The following PDE7B variants were observed in gnomAD, a reference collection of about 807,000 sequenced individuals.
PDE7B encodes the protein phosphodiesterase 7B.
In PDE7B, 29 loss-of-function variants were observed where a neutral mutation model predicts 56.2. The ratio of observed to expected loss-of-function variants is 0.52; its 90% CI spans 0.38 to 0.70. The LOEUF (loss-of-function observed/expected upper bound fraction) is 0.70, where lower values mean the gene tolerates loss of function less well. Ranked by LOEUF, PDE7B falls within the 30% of genes least tolerant of loss-of-function variation. The pLI is 0.00. For synonymous variants in PDE7B, 197 were observed against 196.9 expected, an observed-to-expected ratio of 1.00 and a Z score of 0.00; for missense variants, 490 against 565.0, an observed-to-expected ratio of 0.87 and a Z score of 1.35.
At chr6:136,172,253 AAC>A (rs1354903189) in intron 8 of PDE7B, among the ~76,000 whole-genome samples, 1 of 152,186 alleles carries the variant, frequency 6.6e-6, no homozygotes, top group East Asian at 1.9e-4. Context: ...CAGTCCCACC[AAC>A]AGTGTAAAAG....
intron 1 of PDE7B, among the ~76,000 whole-genome samples, chr6:135,920,909 C>T (rs1033324721): frequency 6.6e-6 from 1 of 152,108 alleles, no homozygotes; most frequent in Non-Finnish European, 1.5e-5. Flanking sequence ...GGATTTCAAC[C>T]GAACTTTATG....
chr6:135,955,778 T>C (rs1023963249), intron 2 of PDE7B, among the ~76,000 whole-genome samples: 3 of 151,988 alleles, frequency 2.0e-5, no homozygotes, highest in Non-Finnish European at 4.4e-5. Flanking sequence ...AGGTGCAAAA[T>C]ACAGGAAACT....
At chr6:136,056,856 G>GTTC (rs200292817) in intron 2 of PDE7B, among the ~76,000 whole-genome samples, 2,378 of 152,054 alleles carry the variant, frequency 0.016, 64 homozygotes, top group African/African-American at 0.053. Context: ...TATGTTTGTG[G>GTTC]TTCTGGTTTG....
At chr6:136,026,110 A>G (rs992436036) in intron 2 of PDE7B, among the ~76,000 whole-genome samples, 10 of 152,220 alleles carry the variant, frequency 6.6e-5, no homozygotes, top group African/African-American at 2.4e-4. Context: ...AATTTTGTTT[A>G]CATAACAAGG....
chr6:136,190,162 G>A (rs1161335272), intron 12 of PDE7B, among the ~76,000 whole-genome samples: 2 of 152,090 alleles, frequency 1.3e-5, no homozygotes, highest in African/African-American at 4.8e-5. Context: ...ATTAAATATG[G>A]AGATTGTGGA....
chr6:135,857,626 T>G (rs749524305), intron 1 of PDE7B, among the ~76,000 whole-genome samples: 4 of 152,168 alleles, frequency 2.6e-5, no homozygotes, highest in Non-Finnish European at 5.9e-5. Flanking sequence ...TAGCAAATCT[T>G]TGTCTAAGAA....
intron 2 of PDE7B, among the ~76,000 whole-genome samples, chr6:136,002,725 G>T (rs1257996550): frequency 1.3e-5 from 2 of 152,148 alleles, no homozygotes; most frequent in Non-Finnish European, 2.9e-5. Flanking sequence ...CCTACAAAGA[G>T]ACTTAGACTC....
chr6:136,047,931 C>A (rs933218582), intron 2 of PDE7B, among the ~76,000 whole-genome samples: 10 of 152,156 alleles, frequency 6.6e-5, no homozygotes, highest in African/African-American at 2.4e-4. Context: ...GGAAATAATA[C>A]TCTATGGGAA....
At chr6:135,858,538 AG>A (rs1398090459) in intron 1 of PDE7B, among the ~76,000 whole-genome samples, 1 of 152,130 alleles carries the variant, frequency 6.6e-6, no homozygotes, top group African/African-American at 2.4e-5. Context: ...TGACATGGCT[AG>A]GGAGCAGAGA....
chr6:136,136,433 G>A (rs981538908), intron 3 of PDE7B, among the ~76,000 whole-genome samples: 2 of 152,200 alleles, frequency 1.3e-5, no homozygotes, highest in East Asian at 1.9e-4. Context: ...AGTCAGATAT[G>A]TGAATAAGAG....
intron 2 of PDE7B, among the ~76,000 whole-genome samples, chr6:136,004,562 GACAA>G (rs1201549799): frequency 1.3e-5 from 2 of 151,728 alleles, no homozygotes; most frequent in Non-Finnish European, 2.9e-5. Flanking sequence ...ACCAATAACA[GACAA>G]ACAGAGAGCC....
chr6:135,876,174 G>A (rs548265443), intron 1 of PDE7B, among the ~76,000 whole-genome samples: 9 of 152,196 alleles, frequency 5.9e-5, no homozygotes, highest in Non-Finnish European at 8.8e-5. Context: ...AGTAGAAATG[G>A]CTGTGAGAAG....
chr6:135,987,058 T>C (rs905499699), intron 2 of PDE7B, among the ~76,000 whole-genome samples: 5 of 152,236 alleles, frequency 3.3e-5, no homozygotes, highest in Non-Finnish European at 5.9e-5. Context: ...AGACCTCATA[T>C]CTGTAAAGTA....
chr6:136,010,690 G>A (rs1157670814), intron 2 of PDE7B, among the ~76,000 whole-genome samples: 1 of 152,012 alleles, frequency 6.6e-6, no homozygotes, highest in East Asian at 1.9e-4. Flanking sequence ...GTGCAATGGC[G>A]TGATCTCAGC....
intron 2 of PDE7B, chr6:136,064,301 C>T (rs1324979836): frequency 6.6e-6 from 1 of 152,124 alleles, no homozygotes; most frequent in Non-Finnish European, 1.5e-5. Context: ...TCTCTGTGCA[C>T]AAGGAGCCAA....
chr6:136,092,275 G>GTT (rs796860164), intron 2 of PDE7B, among the ~76,000 whole-genome samples: 30 of 152,218 alleles, frequency 2.0e-4, no homozygotes, highest in African/African-American at 7.0e-4. Flanking sequence ...ATGTAATTGG[G>GTT]TTTGGACATG....
chr6:136,191,840 G>T lies in PDE7B; in HGVS notation c.1353G>T (p.Ter451TyrextTer33). 6.5e-7 allele frequency: 1 copy of T among 1,549,028 alleles called. No homozygotes were observed. Among genetic ancestry groups the T allele is most frequent in the Admixed American group, 2.0e-5 (1 of 51,010 alleles). Residue 451 changes from the stop codon to tyrosine (Y), a stop_lost, in exon 13 of 13, where the codon TAG (stop) becomes TAT (tyrosine). Coordinates refer to ENST00000308191, the MANE Select transcript of PDE7B (RefSeq NM_018945.4). Reference sequence around the variant, plus strand: ...AGGAGCAGGAAGGCGACAGCCCCTAGGGGCCGGCCCAACTTAGACGCGGCT... The same window carrying T: ...AGGAGCAGGAAGGCGACAGCCCCTATGGGCCGGCCCAACTTAGACGCGGCT... The part of the protein sequence containing the change: ...ESEEQEGDSP[*>Y]
At chr6:135,961,477 T>G (rs1046390632) in intron 2 of PDE7B, among the ~76,000 whole-genome samples, 2 of 152,130 alleles carry the variant, frequency 1.3e-5, no homozygotes, top group African/African-American at 4.8e-5. Flanking sequence ...AAACAGTTTA[T>G]GTAATAGCCT....
intron 8 of PDE7B, among the ~76,000 whole-genome samples, chr6:136,165,301 C>T (rs1233708991): frequency 6.6e-6 from 1 of 152,052 alleles, no homozygotes; most frequent in Non-Finnish European, 1.5e-5. Context: ...ATGTGTGTTT[C>T]CAACTTTATT....
Sources: allele counts gnomAD v4.1 joint callset (sites outside exome capture counted in the v4.1 genomes callset), GRCh38; gene constraint gnomAD v4.1.1; transcripts MANE v1.5; gene names NCBI Gene and HGNC (gene_info 2026-07-23, HGNC 2026-07-21).